Variants in ABL1 observed in about 807,000 individuals in gnomAD.
ABL1 encodes the protein ABL proto-oncogene 1, non-receptor tyrosine kinase.
In ABL1, 11 loss-of-function variants were observed where a neutral mutation model predicts 94.7. That is an observed-to-expected ratio of 0.12 (90% CI 0.07 to 0.19). The LOEUF is 0.19. ABL1 is among the 10% of genes least tolerant of loss of function. The pLI, the probability that ABL1 is intolerant of heterozygous loss-of-function variation, is 1.00. For missense variants in ABL1, 1,082 were observed against 1,489.4 expected (o/e 0.73, Z 4.50); for synonymous variants, 656 against 622.4 (o/e 1.05, Z -0.80).
intron 1 of ABL1, among the ~76,000 whole-genome samples, chr9:130,777,243 G>C (rs1387286112): frequency 2.0e-5 from 3 of 152,206 alleles, no homozygotes; most frequent in African/African-American, 7.2e-5. Context: ...TGGTAATCCT[G>C]GTTGTCCATT....
At chr9:130,823,924 G>A (rs1057374199) in intron 1 of ABL1, among the ~76,000 whole-genome samples, 1 of 152,138 alleles carries the variant, frequency 6.6e-6, no homozygotes. Context: ...AGAAAGTCTA[G>A]TTGATATGCA....
chr9:130,811,888 A>G (rs1308860879), intron 1 of ABL1, among the ~76,000 whole-genome samples: 3 of 130,670 alleles, frequency 2.3e-5, no homozygotes, highest in Non-Finnish European at 4.7e-5. Flanking sequence ...CTGTAGTCTG[A>G]GCGACAGAGT....
rs755840936 is a variant in ABL1, at chr9:130,876,733, C to CTTTTTTTTT, written c.1271-1667_1271-1659dup. ...ACCATGCCCTGCCACAAGTTGGTTT[C>CTTTTTTTTT]TTTTTTTTTTTTTTTTTTTTTTTGA... On this transcript the variant is annotated intron_variant, in intron 7 of 10. Transcript: ENST00000318560. 1.7e-4 allele frequency among the ~76,000 whole-genome samples: 14 copies of CTTTTTTTTT among 83,194 alleles called. 1 individual carries two copies. Among genetic ancestry groups the CTTTTTTTTT allele is most frequent in the African/African-American group, 5.2e-4 (10 of 19,326 alleles). 54.6% of individuals were successfully genotyped at this position (83,194 alleles called of 152,430 possible). A position where few individuals can be genotyped will look rare whatever the true frequency, so the allele number is the denominator to read the frequency against.
chr9:130,859,677 C>CTTTTTTTTTTTTTTTTTTTTTTTTTTT (rs869234280), intron 3 of ABL1, among the ~76,000 whole-genome samples: 1 of 78,460 alleles, frequency 1.3e-5, no homozygotes, highest in African/African-American at 6.7e-5. Context: ...TCTTTCTTTC[C>CTTTTTTTTTTTTTTTTTTTTTTTTTTT]TTTTTTTTTT....
chr9:130,829,468 A>G (rs1362620772), intron 1 of ABL1, among the ~76,000 whole-genome samples: 1 of 151,484 alleles, frequency 6.6e-6, no homozygotes, highest in Admixed American at 6.6e-5. Flanking sequence ...AGGCTGAGGC[A>G]GGAGAATGGC....
rs953459161 is a variant in ABL1 at position 130,814,455 on chromosome 9, A to T, written c.137-39609A>T. Reference sequence around the variant, plus strand: ...GGAAAAAAGGGAAGACAATAACTGTAATATCAGCAGTGAAAGAGATGACAT... The same window carrying T: ...GGAAAAAAGGGAAGACAATAACTGTTATATCAGCAGTGAAAGAGATGACAT... On this transcript the variant is annotated intron_variant, in intron 1 of 10. Coordinates refer to the ABL1 transcript ENST00000372348. This position sits in a 1 kb window ranked among gnomAD's most constrained non-coding sequence, Gnocchi z 4.4. 3.3e-5 allele frequency among the ~76,000 whole-genome samples: 5 copies of T among 152,242 alleles called. No individual in the cohort carries two copies. Among genetic ancestry groups the T allele is most frequent in the African/African-American group, 1.2e-4 (5 of 41,460 alleles).
At chr9:130,723,045 T>TTAA (rs1250544818) in intron 1 of ABL1, among the ~76,000 whole-genome samples, 4 of 152,212 alleles carry the variant, frequency 2.6e-5, no homozygotes, top group Non-Finnish European at 5.9e-5. Context: ...TAGCTGGGAA[T>TTAA]TAAACCCATA....
chr9:130,853,105 C>T (rs144457656), intron 1 of ABL1, among the ~76,000 whole-genome samples: 3 of 148,850 alleles, frequency 2.0e-5, no homozygotes, highest in Non-Finnish European at 4.4e-5. Flanking sequence ...CCTCTGGGAG[C>T]GGAGAGGACT....
Position 130,780,177 on chromosome 9 carries a change from C to T in ABL1, c.136+65722C>T, listed in dbSNP as rs547610914. Among the ~76,000 whole-genome samples the T allele has an allele frequency of 4.6e-5, 7 of 152,298 alleles. No homozygotes were observed. In the South Asian group the frequency reaches 1.5e-3, roughly 32 times the overall value. The stretch of plus-strand genomic sequence containing the variant: ...TGGCAGGCACCCGTAATCCCAGCTA[C>T]TCTGGAGGCTGAGGCAGGAGAATCG... On this transcript the variant is annotated intron_variant, in intron 1 of 10. Transcript: ENST00000372348.
At chr9:130,748,066 C>T (rs865848559) in intron 1 of ABL1, among the ~76,000 whole-genome samples, 3 of 152,134 alleles carry the variant, frequency 2.0e-5, no homozygotes, top group African/African-American at 7.2e-5. Flanking sequence ...TGGCTATTGT[C>T]GGTATTTTTA....
At chr9:130,737,623 G>T (rs1831760412) in intron 1 of ABL1, among the ~76,000 whole-genome samples, 1 of 152,068 alleles carries the variant, frequency 6.6e-6, no homozygotes, top group Admixed American at 6.6e-5. Flanking sequence ...TTTTATGTTT[G>T]GTCCAGACTA....
At chr9:130,871,305 T>C (rs1229114072) in intron 4 of ABL1, among the ~76,000 whole-genome samples, 1 of 152,146 alleles carries the variant, frequency 6.6e-6, no homozygotes, top group Admixed American at 6.5e-5. Context: ...GTCATGGGGC[T>C]CTCCCCAGGG....
At chr9:130,823,629 G>T (rs920857345) in intron 1 of ABL1, among the ~76,000 whole-genome samples, 5 of 152,158 alleles carry the variant, frequency 3.3e-5, no homozygotes, top group Non-Finnish European at 7.4e-5. Flanking sequence ...ACAGGCAGTG[G>T]ACACCAGAAA....
intron 1 of ABL1, among the ~76,000 whole-genome samples, chr9:130,841,608 CG>C: frequency 6.6e-6 from 1 of 151,568 alleles, no homozygotes; most frequent in East Asian, 2.0e-4. Flanking sequence ...GTCAGGAGTT[CG>C]AGACCAGCCT....
chr9:130,721,543 T>TA (rs1311278444), intron 1 of ABL1, among the ~76,000 whole-genome samples: 2 of 152,184 alleles, frequency 1.3e-5, no homozygotes, highest in East Asian at 3.9e-4. Flanking sequence ...ACCCCATCTC[T>TA]ACTAACAGTA....
At chr9:130,772,114 A>G (rs1178681832) in intron 1 of ABL1, among the ~76,000 whole-genome samples, 1 of 152,120 alleles carries the variant, frequency 6.6e-6, no homozygotes, top group Non-Finnish European at 1.5e-5. Context: ...TAATGTTAAC[A>G]TTTCAGTTGT....
chr9:130,735,961 A>ATATTTTTTTTTTTT (rs573602038), intron 1 of ABL1, among the ~76,000 whole-genome samples: 2 of 94,886 alleles, frequency 2.1e-5, no homozygotes, highest in Admixed American at 1.3e-4. Context: ...ATATATATAT[A>ATATTTTTTTTTTTT]TTTTTTTTTT....
chr9:130,815,728 A>G (rs1830275900), intron 1 of ABL1, among the ~76,000 whole-genome samples: 3 of 152,102 alleles, frequency 2.0e-5, no homozygotes, highest in Non-Finnish European at 4.4e-5. Context: ...CTCCTTCTAA[A>G]TAAACACCAG....
intron 1 of ABL1, among the ~76,000 whole-genome samples, chr9:130,785,335 G>T (rs959620516): frequency 3.3e-5 from 5 of 152,112 alleles, no homozygotes; most frequent in Non-Finnish European, 5.9e-5. Flanking sequence ...CACCCTGCAG[G>T]GAGTTTCTCC....
Sources: allele counts gnomAD v4.1 joint callset (sites outside exome capture counted in the v4.1 genomes callset), GRCh38; gene constraint gnomAD v4.1.1; non-coding constraint Gnocchi (gnomAD v3.1); transcripts MANE v1.5; gene names NCBI Gene and HGNC (gene_info 2026-07-23, HGNC 2026-07-21).